Variants in KCNQ3 observed in about 807,000 individuals in gnomAD.
KCNQ3 encodes the protein potassium voltage-gated channel subfamily KQT member 3.
A neutral mutation model predicts 92.5 loss-of-function variants in KCNQ3; 30 were observed. That is an observed-to-expected ratio of 0.32 (90% CI 0.24 to 0.44). KCNQ3 has a LOEUF of 0.44. KCNQ3 is among the 20% of genes least tolerant of loss of function. The probability of loss-of-function intolerance (pLI) is 1.00; values close to 1 mark genes in which losing one functional copy is unlikely to be tolerated. For missense variants in KCNQ3, 913 were observed against 1,140.3 expected (o/e 0.80, Z 2.87); for synonymous variants, 450 against 468.8 (o/e 0.96, Z 0.52).
chr8:132,407,695 T>C (rs148999523), intron 1 of KCNQ3, among the ~76,000 whole-genome samples: 2 of 152,342 alleles, frequency 1.3e-5, no homozygotes, highest in African/African-American at 4.8e-5. Context: ...ACTACAGTAT[T>C]TGGCTGGAGG....
At chr8:132,463,234 G>GT (rs1283811251) in intron 1 of KCNQ3, among the ~76,000 whole-genome samples, 1 of 152,118 alleles carries the variant, frequency 6.6e-6, no homozygotes, top group Non-Finnish European at 1.5e-5. Flanking sequence ...ATAAAATCAA[G>GT]TAACAAGAAG....
intron 1 of KCNQ3, among the ~76,000 whole-genome samples, chr8:132,188,781 TG>T (rs1827073216): frequency 1.3e-5 from 2 of 152,308 alleles, no homozygotes; most frequent in East Asian, 3.9e-4. Context: ...AGAGTGTGGT[TG>T]AGGTTATGAC....
rs35230760 is a variant in KCNQ3 at position 132,128,507 on chromosome 8, A to ATG, written c.*753_*754dup. 16,946 of 145,008 alleles carry ATG rather than the reference A, an allele frequency of 0.12. 941 individuals are homozygous for ATG. Among genetic ancestry groups the ATG allele is most frequent in the African/African-American group, 0.13 (4,930 of 38,984 alleles). 9.0% of individuals were successfully genotyped at this position (145,008 alleles called of 1,614,324 possible). ...ATTGGAAACTATTTTAACTTTGTGT[A>ATG]TGTGTGTGTGTGTGTGTGTGTGTGT... On this transcript the variant is annotated 3_prime_UTR_variant, in exon 15 of 15. Transcript: ENST00000388996.
chr8:132,172,526 T>C (rs1329043880), intron 7 of KCNQ3, 72 bp downstream of exon 7: 4 of 1,285,016 alleles, frequency 3.1e-6, no homozygotes, highest in Non-Finnish European at 4.5e-6. Flanking sequence ...CATGCACACA[T>C]ACACACACAC....
chr8:132,187,357 A>G, intron 1 of KCNQ3: 1 of 432,366 alleles, frequency 2.3e-6, no homozygotes, highest in African/African-American at 2.0e-5. Flanking sequence ...CATAAGGACC[A>G]TGATGTAAGG....
intron 1 of KCNQ3, among the ~76,000 whole-genome samples, chr8:132,350,822 C>A (rs1818837453): frequency 6.6e-6 from 1 of 152,202 alleles, no homozygotes; most frequent in African/African-American, 2.4e-5. Flanking sequence ...ATTCTACCAG[C>A]CTTCTCTTCT....
chr8:132,417,731 G>A (rs1820856359), intron 1 of KCNQ3, among the ~76,000 whole-genome samples: 1 of 152,156 alleles, frequency 6.6e-6, no homozygotes, highest in South Asian at 2.1e-4. Context: ...GAATAAGAAG[G>A]ATATGTCCGT....
chr8:132,132,124 C>T (rs1358456492), intron 14 of KCNQ3, 56 bp downstream of exon 14: 1 of 1,111,062 alleles, frequency 9.0e-7, no homozygotes, highest in African/African-American at 1.6e-5. Flanking sequence ...AAAGAAATGG[C>T]ATTTGAAAAT....
At chr8:132,357,034 CA>C (rs199839464) in intron 1 of KCNQ3, among the ~76,000 whole-genome samples, 1,975 of 150,570 alleles carry the variant, frequency 0.013, 46 homozygotes, top group African/African-American at 0.047. Context: ...ACAACAACAA[CA>C]AAAACTAAGG....
chr8:132,236,656 T>A (rs1270310708), intron 1 of KCNQ3, among the ~76,000 whole-genome samples: 1 of 152,096 alleles, frequency 6.6e-6, no homozygotes, highest in Non-Finnish European at 1.5e-5. Context: ...TTCCAAGCAG[T>A]GTGGTTATGA....
chr8:132,256,339 C>T (rs896435158), intron 1 of KCNQ3, among the ~76,000 whole-genome samples: 2 of 151,904 alleles, frequency 1.3e-5, no homozygotes, highest in Middle Eastern at 3.4e-3. Flanking sequence ...TAAAGAAAAA[C>T]GAATAGAGCC....
intron 1 of KCNQ3, among the ~76,000 whole-genome samples, chr8:132,198,651 A>T (rs1827373664): frequency 6.6e-6 from 1 of 152,058 alleles, no homozygotes; most frequent in South Asian, 2.1e-4. Flanking sequence ...TACTAAACAT[A>T]CAAAAATTAG....
intron 1 of KCNQ3, among the ~76,000 whole-genome samples, chr8:132,292,733 T>A (rs1159178047): frequency 1.3e-5 from 2 of 152,166 alleles, no homozygotes; most frequent in Non-Finnish European, 2.9e-5. Flanking sequence ...ACTCCCATAG[T>A]CCTTGTTATA....
intron 1 of KCNQ3, among the ~76,000 whole-genome samples, chr8:132,251,917 G>T (rs778740474): frequency 1.3e-5 from 2 of 152,222 alleles, no homozygotes; most frequent in African/African-American, 2.4e-5. Context: ...ATACAAGTGG[G>T]AAGGACAGAT....
intron 1 of KCNQ3, among the ~76,000 whole-genome samples, chr8:132,279,147 G>A (rs1469178908): frequency 6.6e-6 from 1 of 152,158 alleles, no homozygotes; most frequent in Non-Finnish European, 1.5e-5. Flanking sequence ...GAACCCGGAA[G>A]GCGGAGTTTG....
chr8:132,438,751 C>G (rs1022624801), intron 1 of KCNQ3, among the ~76,000 whole-genome samples: 1 of 151,854 alleles, frequency 6.6e-6, no homozygotes, highest in Admixed American at 6.6e-5. Flanking sequence ...ATGTGGTCAG[C>G]GTAAGACTCT....
At position 132,125,866 on chromosome 8, in the gene KCNQ3, C is replaced by T. The variant is rs1824648410; in HGVS notation, c.*3396G>A. 1 of 152,268 alleles carries T rather than the reference C, an allele frequency of 6.6e-6. No individual in the cohort carries two copies. The highest frequency in any genetic ancestry group is 2.1e-4 in the South Asian group (1 of 4,824). 9.4% of individuals were successfully genotyped at this position (152,268 alleles called of 1,614,324 possible). On this transcript the variant is annotated 3_prime_UTR_variant, in exon 15 of 15. Transcript: ENST00000388996. ...ACAAAGTTATTCAACAACACTTTCTCAATTTGATGTGTTTTTCTTTTCCTG... is the reference window on the plus strand; with the variant it reads ...ACAAAGTTATTCAACAACACTTTCTTAATTTGATGTGTTTTTCTTTTCCTG...
chr8:132,474,205 C>A (rs1459923385), intron 1 of KCNQ3, among the ~76,000 whole-genome samples: 1 of 151,992 alleles, frequency 6.6e-6, no homozygotes, highest in Non-Finnish European at 1.5e-5. Context: ...TAAGGAGATC[C>A]CTATTCAGAA....
chr8:132,162,180 T>C (rs1375403256), intron 9 of KCNQ3, among the ~76,000 whole-genome samples: 1 of 152,208 alleles, frequency 6.6e-6, no homozygotes, highest in Non-Finnish European at 1.5e-5. Flanking sequence ...AATGCATCTA[T>C]CTGAGCCCTA....
Sources: gnomAD v4.1 joint callset for allele counts (sites outside exome capture counted in the v4.1 genomes callset) on GRCh38, gnomAD v4.1.1 for gene constraint, MANE v1.5 for transcripts, NCBI Gene and HGNC (gene_info 2026-07-23, HGNC 2026-07-21) for gene names.